The following ZFP2 variants were observed in gnomAD, a reference collection of about 807,000 sequenced individuals.
The protein encoded by ZFP2 is ZFP2 zinc finger protein.
Under a neutral mutation model 36.1 loss-of-function variants are expected in ZFP2, and 33 were observed. That is an observed-to-expected ratio of 0.92 (90% CI 0.69 to 1.22). The LOEUF (loss-of-function observed/expected upper bound fraction) is 1.22, where lower values mean the gene tolerates loss of function less well. ZFP2 is among the 50% of genes most tolerant of loss of function. ZFP2 has a pLI of 0.00. For synonymous variants in ZFP2, 170 were observed against 178.0 expected, an observed-to-expected ratio of 0.96 and a Z score of 0.36; for missense variants, 522 against 551.4, an observed-to-expected ratio of 0.95 and a Z score of 0.53.
intron 1 of ZFP2, 36 bp from the exon 2 acceptor site, chr5:178,912,548 T>G: frequency 1.6e-6 from 1 of 616,524 alleles, no homozygotes; most frequent in Non-Finnish European, 2.0e-6. Context: ...CCTCAGAGGG[T>G]TTGGTTGGCA....
At chr5:178,924,583 T>TGA (rs1172896872) in intron 4 of ZFP2, among the ~76,000 whole-genome samples, 1 of 148,810 alleles carries the variant, frequency 6.7e-6, no homozygotes, top group Non-Finnish European at 1.5e-5. Flanking sequence ...CTCCCACCAG[T>TGA]AATCCCAGCA....
intron 4 of ZFP2, among the ~76,000 whole-genome samples, chr5:178,929,838 A>C (rs531559634): frequency 1.3e-5 from 2 of 151,306 alleles, no homozygotes; most frequent in East Asian, 1.9e-4. Context: ...CAATTCTCAC[A>C]TTGTTATGAA....
At chr5:178,930,149 T>C (rs763366968) in intron 4 of ZFP2, among the ~76,000 whole-genome samples, 3 of 151,578 alleles carry the variant, frequency 2.0e-5, no homozygotes, top group Non-Finnish European at 2.9e-5. Flanking sequence ...GATCCAATCA[T>C]CTCCCATAAG....
rs776880321 is a variant in ZFP2 at position 178,896,360 on chromosome 5, C to T, written c.-450+386C>T. Among the ~76,000 whole-genome samples, 7 of 152,360 alleles carry T rather than the reference C, an allele frequency of 4.6e-5. No homozygotes were observed. In the East Asian group the frequency reaches 5.8e-4, roughly 13 times the overall value. ...CGCTCGGACCCGGGTTCCTCCCTGG[C>T]TTTCCCCAGCCGCGCGCAGCTTTGT... On this transcript the variant is annotated intron_variant, in intron 1 of 4. Coordinates refer to ENST00000361362, the MANE Select transcript of ZFP2 (RefSeq NM_030613.4).
intron 1 of ZFP2, among the ~76,000 whole-genome samples, chr5:178,902,547 A>G (rs1758081395): frequency 6.6e-6 from 1 of 152,154 alleles, no homozygotes; most frequent in Non-Finnish European, 1.5e-5. Context: ...AGTACAGGCC[A>G]ATTATTTCAT....
At position 178,926,084 on chromosome 5, in the gene ZFP2, A is replaced by C. The variant is rs77728026; in HGVS notation, c.-77-5153A>C. ...GTGATTTAAAATTCCTGGTCTCAAG[A>C]AATCCTCCCACATCAACCTCCTAAA... On this transcript the variant is annotated intron_variant, in intron 4 of 4. Coordinates refer to ENST00000361362, the MANE Select transcript of ZFP2 (RefSeq NM_030613.4). 9.0e-3 allele frequency among the ~76,000 whole-genome samples: 1,255 copies of C among 139,020 alleles called. 97 individuals carry two copies. In the East Asian group the frequency reaches 0.13, roughly 14 times the overall value. The allele number at this position is 139,020 out of a possible 152,430, so 91.2% of individuals were successfully genotyped here.
chr5:178,919,170 T>G (rs900263467), intron 4 of ZFP2, among the ~76,000 whole-genome samples: 2 of 119,168 alleles, frequency 1.7e-5, no homozygotes, highest in Non-Finnish European at 3.8e-5. Context: ...TATTTTTGTT[T>G]TTGAACACGA....
intron 4 of ZFP2, among the ~76,000 whole-genome samples, chr5:178,920,552 G>A (rs975892066): frequency 4.0e-5 from 6 of 151,730 alleles, no homozygotes; most frequent in East Asian, 1.9e-4. Flanking sequence ...CAGGAGAATC[G>A]CTTGAACCCG....
At chr5:178,920,328 T>C (rs1254135003) in intron 4 of ZFP2, among the ~76,000 whole-genome samples, 1 of 152,142 alleles carries the variant, frequency 6.6e-6, no homozygotes. Context: ...TATCAATAAA[T>C]AAGTGTTTAT....
chr5:178,930,081 T>C (rs1758794059), intron 4 of ZFP2, among the ~76,000 whole-genome samples: 1 of 151,708 alleles, frequency 6.6e-6, no homozygotes, highest in Non-Finnish European at 1.5e-5. Flanking sequence ...TCACTCATGA[T>C]AGGGAGGACA....
chr5:178,918,704 G>A (rs2113099756), intron 4 of ZFP2, among the ~76,000 whole-genome samples: 1 of 152,140 alleles, frequency 6.6e-6, no homozygotes, highest in South Asian at 2.1e-4. Context: ...GTCTTGTTTA[G>A]GAAAAAAGGA....
chr5:178,926,793 C>T (rs999791329), intron 4 of ZFP2, among the ~76,000 whole-genome samples: 2 of 152,072 alleles, frequency 1.3e-5, no homozygotes, highest in African/African-American at 4.8e-5. Flanking sequence ...TCTGGGATTA[C>T]AGGTGTCAGC....
intron 1 of ZFP2, among the ~76,000 whole-genome samples, chr5:178,904,195 A>T (rs1287762770): frequency 1.3e-5 from 2 of 152,194 alleles, no homozygotes; most frequent in African/African-American, 4.8e-5. Context: ...CTCATTAAAC[A>T]TATTTAGCGC....
At chr5:178,914,067 AG>A (rs1758365261) in intron 3 of ZFP2, 1 of 152,146 alleles carries the variant, frequency 6.6e-6, no homozygotes, top group Non-Finnish European at 1.5e-5. Flanking sequence ...TGTGTTAGCC[AG>A]GATGGTCTCG....
chr5:178,908,326 A>G (rs1219618843), intron 1 of ZFP2, among the ~76,000 whole-genome samples: 1 of 151,874 alleles, frequency 6.6e-6, no homozygotes, highest in East Asian at 1.9e-4. Flanking sequence ...GGTTGCCTGT[A>G]GTCCCAGCTA....
At chr5:178,910,947 G>A (rs146632029) in intron 1 of ZFP2, among the ~76,000 whole-genome samples, 253 of 152,242 alleles carry the variant, frequency 1.7e-3, no homozygotes, top group African/African-American at 5.5e-3. Flanking sequence ...TAGGGAAAGC[G>A]AACCATTGGT....
intron 4 of ZFP2, among the ~76,000 whole-genome samples, chr5:178,917,854 CA>C (rs1758473054): frequency 6.6e-6 from 1 of 152,208 alleles, no homozygotes. Context: ...TAGAAGTATT[CA>C]AAAAGTTCAT....
Position 178,931,526 on chromosome 5 carries a change from A to G in ZFP2, c.213A>G (p.Lys71=). ...CACAGCAAAGCATTCCTATGGTAAA[A>G]AGGCCCCATAACTGTAATTCACATG... ...LDTQQSIPMV[K]RPHNCNSHGE... The change falls in exon 5 of 5, where the codon AAA becomes AAG. Residue 71 remains lysine (K), a synonymous_variant. Transcript: ENST00000361362. The G allele has an allele frequency of 6.2e-7, 1 of 1,614,180 alleles. No individual in the cohort carries two copies. Among genetic ancestry groups the G allele is most frequent in the Non-Finnish European group, 8.5e-7 (1 of 1,180,028 alleles).
rs1423638862 is a variant in ZFP2 at position 178,900,444 on chromosome 5, C to A, written c.-450+4470C>A. Among the ~76,000 whole-genome samples, 23 of 62,038 alleles carry A rather than the reference C, an allele frequency of 3.7e-4. 1 individual carries two copies. Among genetic ancestry groups the A allele is most frequent in the Middle Eastern group, 8.1e-3 (1 of 124 alleles). 40.7% of individuals were successfully genotyped at this position (62,038 alleles called of 152,430 possible). ...ACTCCATGTCCCCCACCCCAGCCAG[C>A]CAGTGTCCTCGTGCCACTTCTACTC... On this transcript the variant is annotated intron_variant, in intron 1 of 4. Coordinates refer to ENST00000361362, the MANE Select transcript of ZFP2 (RefSeq NM_030613.4).
Sources: allele counts gnomAD v4.1 joint callset (sites outside exome capture counted in the v4.1 genomes callset), GRCh38; gene constraint gnomAD v4.1.1; transcripts MANE v1.5; gene names NCBI Gene and HGNC (gene_info 2026-07-23, HGNC 2026-07-21).